PTPRN2: variants seen among roughly 807,000 people sequenced by gnomAD.
PTPRN2 encodes the protein protein tyrosine phosphatase receptor type N2.
Under a neutral mutation model 118.8 loss-of-function variants are expected in PTPRN2, and 74 were observed. The observed-to-expected ratio is 0.62, with a 90% CI of 0.52 to 0.76. The LOEUF (loss-of-function observed/expected upper bound fraction) is 0.76, where lower values mean the gene tolerates loss of function less well. Ranked by LOEUF, PTPRN2 falls within the 30% of genes least tolerant of loss-of-function variation. PTPRN2 has a pLI of 0.00. For missense variants in PTPRN2, 1,481 were observed against 1,394.4 expected (o/e 1.06, Z -0.99); for synonymous variants, 641 against 608.0 (o/e 1.05, Z -0.80).
At chr7:158,577,943 A>G (rs1351972600) in intron 1 of PTPRN2, among the ~76,000 whole-genome samples, 1 of 152,118 alleles carries the variant, frequency 6.6e-6, no homozygotes, top group Non-Finnish European at 1.5e-5. Flanking sequence ...ACAGGCCAGG[A>G]AGATGGGCAC....
rs906690171 is a variant in PTPRN2 at position 157,800,399 on chromosome 7, T to G, written c.1788+98274A>C. 3.3e-5 allele frequency among the ~76,000 whole-genome samples: 5 copies of G among 152,194 alleles called. No homozygotes were observed. The East Asian group carries it at 7.7e-4, about 23-fold the overall frequency. ...CCCTTCTCCGCGACAAGGGGACCCC[T>G]AGCGTGCTTCCCCGCTGCGCTCCCA... On this transcript the variant is annotated intron_variant, in intron 12 of 22. Transcript: ENST00000389418.
At chr7:157,955,251 A>G (rs1001593073) in intron 11 of PTPRN2, among the ~76,000 whole-genome samples, 18 of 152,290 alleles carry the variant, frequency 1.2e-4, no homozygotes, top group African/African-American at 4.1e-4. Flanking sequence ...TTTGCCAAAC[A>G]TACTCTATAT....
intron 11 of PTPRN2, among the ~76,000 whole-genome samples, chr7:158,061,332 C>T (rs1403506982): frequency 6.6e-6 from 1 of 152,240 alleles, no homozygotes; most frequent in Non-Finnish European, 1.5e-5. Flanking sequence ...GATGAAGCCA[C>T]AGGCACAGTC....
Position 158,023,561 on chromosome 7 carries a change from C to T in PTPRN2, c.1723+57737G>A, listed in dbSNP as rs551910138. ...ACTGCAAAGGAGAAGAGCCGAGGAG[C>T]GAGTTCCTTGTTCTGCTCCCTTCTT... On this transcript the variant is annotated intron_variant, in intron 11 of 22. Coordinates refer to ENST00000389418, the MANE Select transcript of PTPRN2 (RefSeq NM_002847.5). Among the ~76,000 whole-genome samples, 20 of 152,292 alleles carry T rather than the reference C, an allele frequency of 1.3e-4. No homozygotes were observed. The South Asian group carries it at 4.1e-3, about 32-fold the overall frequency.
intron 12 of PTPRN2, among the ~76,000 whole-genome samples, chr7:157,841,090 C>T (rs1252221413): frequency 6.6e-6 from 1 of 152,236 alleles, no homozygotes; most frequent in Non-Finnish European, 1.5e-5. Flanking sequence ...GCTCCCAGCA[C>T]AGGGCAGAGG....
chr7:158,262,608 AC>A lies in PTPRN2; in HGVS notation c.277+54210del, dbSNP rs1185693648. Among the ~76,000 whole-genome samples, 134 of 145,252 alleles carry A rather than the reference AC, an allele frequency of 9.2e-4. 1 individual carries two copies. Among genetic ancestry groups the A allele is most frequent in the African/African-American group, 3.4e-3 (125 of 37,080 alleles). On this transcript the variant is annotated intron_variant, in intron 3 of 22. Transcript: ENST00000389418. ...CACACATTCACACACATTCACACAC[AC>A]TGCACACACACATACATTCACACTG...
rs774729721 is a variant in PTPRN2, at chr7:157,953,332, G to A, written c.1724-54595C>T. ...GTGCACGAGGCAGATGGATGGAGAC[G>A]TGGGAGCAGGGGCTGGCAGCACTCC... On this transcript the variant is annotated intron_variant, in intron 11 of 22. Coordinates refer to ENST00000389418, the MANE Select transcript of PTPRN2 (RefSeq NM_002847.5). The surrounding 1 kb of genome is among the most constrained non-coding windows in gnomAD (Gnocchi z 4.6). Among the ~76,000 whole-genome samples the A allele has an allele frequency of 6.6e-5, 10 of 152,276 alleles. No homozygotes were observed. The highest frequency in any genetic ancestry group is 1.9e-4 in the East Asian group (1 of 5,172).
At chr7:158,187,478 T>C (rs570098804) in intron 5 of PTPRN2, among the ~76,000 whole-genome samples, 14 of 152,268 alleles carry the variant, frequency 9.2e-5, no homozygotes, top group African/African-American at 3.1e-4. Context: ...AGTCCCTATA[T>C]TTACGGGGCA....
intron 12 of PTPRN2, among the ~76,000 whole-genome samples, chr7:157,761,948 C>T (rs1231789457): frequency 7.2e-5 from 11 of 152,210 alleles, no homozygotes; most frequent in African/African-American, 2.7e-4. Context: ...TGAACAGACA[C>T]TTCTCAAAAG....
At chr7:157,817,096 G>A (rs1055794877) in intron 12 of PTPRN2, among the ~76,000 whole-genome samples, 13 of 152,216 alleles carry the variant, frequency 8.5e-5, no homozygotes, top group Non-Finnish European at 1.6e-4. Context: ...GTCGGCATGG[G>A]AGCGCTGTGT....
chr7:157,930,860 A>T (rs1487005656), intron 11 of PTPRN2, among the ~76,000 whole-genome samples: 1 of 151,944 alleles, frequency 6.6e-6, no homozygotes, highest in African/African-American at 2.4e-5. Flanking sequence ...TGCCTAAATT[A>T]TGTATATTGC....
intron 2 of PTPRN2, among the ~76,000 whole-genome samples, chr7:158,378,189 A>T (rs1388086340): frequency 6.6e-6 from 1 of 152,194 alleles, no homozygotes; most frequent in East Asian, 1.9e-4. Context: ...AAAAGCAAAT[A>T]AAAGCTATTG....
At chr7:158,454,040 A>G (rs1818277064) in intron 2 of PTPRN2, among the ~76,000 whole-genome samples, 1 of 147,578 alleles carries the variant, frequency 6.8e-6, no homozygotes, top group African/African-American at 2.5e-5. Flanking sequence ...GATGGTTGCT[A>G]TGGAGGACAG....
Position 158,299,182 on chromosome 7 carries a change from C to T in PTPRN2, c.277+17637G>A, listed in dbSNP as rs368704832. Among the ~76,000 whole-genome samples the T allele has an allele frequency of 9.2e-5, 14 of 152,304 alleles. 1 individual carries two copies. In the South Asian group the frequency reaches 1.7e-3, roughly 18 times the overall value. On this transcript the variant is annotated intron_variant, in intron 3 of 22. Coordinates refer to ENST00000389418, the MANE Select transcript of PTPRN2 (RefSeq NM_002847.5). Reference sequence around the variant, plus strand: ...ATCCCACCCAAGACTGGCATATTCCCGAGACAAATCTCAGTGGTTACTGAA... The same window carrying T: ...ATCCCACCCAAGACTGGCATATTCCTGAGACAAATCTCAGTGGTTACTGAA...
chr7:158,136,863 T>C (rs1003352249), intron 7 of PTPRN2, among the ~76,000 whole-genome samples, 168 bp from the exon 8 acceptor site: 4 of 152,184 alleles, frequency 2.6e-5, no homozygotes, highest in Non-Finnish European at 5.9e-5. Context: ...TAGCACAAAA[T>C]GGCATTCTGT....
At chr7:158,145,499 ATCC>A (rs1468415616) in intron 6 of PTPRN2, among the ~76,000 whole-genome samples, 1 of 152,244 alleles carries the variant, frequency 6.6e-6, no homozygotes, top group East Asian at 1.9e-4. Flanking sequence ...ACTGGCAGGC[ATCC>A]ACCCTTGAGA....
intron 3 of PTPRN2, among the ~76,000 whole-genome samples, chr7:158,300,634 AC>A (rs374299701): frequency 9.3e-5 from 5 of 53,664 alleles, no homozygotes; most frequent in African/African-American, 3.5e-4. Context: ...CTAAGAGGCC[AC>A]TCCTCTGCTT....
chr7:158,030,255 C>T (rs1414673125), intron 11 of PTPRN2: 1 of 152,168 alleles, frequency 6.6e-6, no homozygotes, highest in Non-Finnish European at 1.5e-5. Flanking sequence ...AATAATTCAC[C>T]AGAAGCAGGC....
intron 12 of PTPRN2, among the ~76,000 whole-genome samples, chr7:157,759,835 G>A (rs983342071): frequency 3.9e-5 from 6 of 152,208 alleles, no homozygotes; most frequent in African/African-American, 1.2e-4. Context: ...GGGTGCTGGT[G>A]CTTTGGGGCA....
Sources: allele counts gnomAD v4.1 joint callset (sites outside exome capture counted in the v4.1 genomes callset), GRCh38; gene constraint gnomAD v4.1.1; non-coding constraint Gnocchi (gnomAD v3.1); transcripts MANE v1.5; gene names NCBI Gene and HGNC (gene_info 2026-07-23, HGNC 2026-07-21).